RGL1: variants seen among roughly 807,000 people sequenced by gnomAD.
The protein encoded by RGL1 is ral guanine nucleotide dissociation stimulator like 1.
In RGL1, 24 loss-of-function variants were observed where a neutral mutation model predicts 95.2. The observed-to-expected ratio is 0.25, with a 90% CI of 0.18 to 0.35. The LOEUF is 0.35. Ranked by LOEUF, RGL1 falls within the 10% of genes least tolerant of loss-of-function variation. The probability of loss-of-function intolerance (pLI) is 1.00; values close to 1 mark genes in which losing one functional copy is unlikely to be tolerated. For missense variants in RGL1, 715 were observed against 936.3 expected (o/e 0.76, Z 3.08); for synonymous variants, 329 against 344.9 (o/e 0.95, Z 0.51).
chr1:183,679,647 G>T (rs538777114), intron 1 of RGL1, among the ~76,000 whole-genome samples: 1 of 152,078 alleles, frequency 6.6e-6, no homozygotes, highest in Non-Finnish European at 1.5e-5. Context: ...CCAAGTCTTT[G>T]CTATTGTGAA....
intron 1 of RGL1, among the ~76,000 whole-genome samples, chr1:183,741,920 G>A (rs1657333163): frequency 6.6e-6 from 1 of 152,154 alleles, no homozygotes; most frequent in South Asian, 2.1e-4. Flanking sequence ...GCCATTATCA[G>A]AATGCATTCT....
intron 1 of RGL1, among the ~76,000 whole-genome samples, chr1:183,656,019 A>G: frequency 6.6e-6 from 1 of 152,208 alleles, no homozygotes; most frequent in East Asian, 1.9e-4. Flanking sequence ...AGACCAAACC[A>G]AAATGGAGTC....
intron 1 of RGL1, among the ~76,000 whole-genome samples, chr1:183,735,707 C>A (rs573197369): frequency 6.6e-6 from 1 of 152,186 alleles, no homozygotes; most frequent in African/African-American, 2.4e-5. Flanking sequence ...AGTATTACTA[C>A]GAAATTATCT....
chr1:183,709,576 T>A (rs2102169502), intron 1 of RGL1: 1 of 166,946 alleles, frequency 6.0e-6, no homozygotes, highest in African/African-American at 2.4e-5. Flanking sequence ...TTCCTTTGCA[T>A]CCAGGGAAGC....
intron 2 of RGL1, among the ~76,000 whole-genome samples, chr1:183,752,419 G>A (rs567073694): frequency 7.2e-5 from 11 of 152,128 alleles, no homozygotes; most frequent in East Asian, 3.9e-4. Context: ...TACAGACGGG[G>A]TCTCACCATG....
chr1:183,824,625 G>C lies in RGL1; in HGVS notation c.138+18140G>C, dbSNP rs181673575. ...ACCTTAACAATTTTGACAAGGCTCA[G>C]TTCATTATACTATTCACTTTCATGT... On this transcript the variant is annotated intron_variant, in intron 2 of 17. Transcript: ENST00000360851. Among the ~76,000 whole-genome samples, 163 of 152,260 alleles carry C rather than the reference G, an allele frequency of 1.1e-3. 1 individual carries two copies. Among genetic ancestry groups the C allele is most frequent in the Middle Eastern group, 3.4e-3 (1 of 294 alleles).
At chr1:183,746,288 G>T (rs1288435389) in intron 2 of RGL1, among the ~76,000 whole-genome samples, 1 of 152,082 alleles carries the variant, frequency 6.6e-6, no homozygotes, top group South Asian at 2.1e-4. Context: ...TACTGCATAT[G>T]TGTATCCTCA....
intron 15 of RGL1, among the ~76,000 whole-genome samples, chr1:183,913,942 CT>C (rs1668811708): frequency 6.6e-6 from 1 of 152,190 alleles, no homozygotes; most frequent in South Asian, 2.1e-4. Context: ...TCGTGGACAC[CT>C]ACGGACTGGC....
chr1:183,648,776 C>A, intron 1 of RGL1: 4 of 1,588,104 alleles, frequency 2.5e-6, no homozygotes, highest in Non-Finnish European at 3.4e-6. Flanking sequence ...CATATATGGG[C>A]TCCATTGCTA....
At chr1:183,901,472 A>G (rs924207959) in intron 11 of RGL1, among the ~76,000 whole-genome samples, 1 of 152,054 alleles carries the variant, frequency 6.6e-6, no homozygotes, top group African/African-American at 2.4e-5. Context: ...TGCCCAGCCT[A>G]GGTGCCAGAG....
In RGL1 at chr1:183,725,647, CACCTT is replaced by C. The variant is rs1344679067; in HGVS notation, c.-32-16477_-32-16473del. On this transcript the variant is annotated intron_variant, in intron 1 of 18. Transcript: ENST00000304685. Reference sequence around the variant, plus strand: ...GGCATAACATTCCTAAATGTGTATTCACCTTATAACTAAACCTCAAAATTCATTAA... The same window carrying C: ...GGCATAACATTCCTAAATGTGTATTCATAACTAAACCTCAAAATTCATTAA... Among the ~76,000 whole-genome samples the C allele has an allele frequency of 2.0e-5, 3 of 152,220 alleles. No homozygotes were observed. The East Asian group carries it at 5.8e-4, about 29-fold the overall frequency.
intron 14 of RGL1, among the ~76,000 whole-genome samples, chr1:183,911,327 T>C (rs183448030): frequency 5.3e-5 from 8 of 152,342 alleles, no homozygotes; most frequent in Non-Finnish European, 7.3e-5. Context: ...AGTAGAAAGA[T>C]ATTTTTCTGG....
intron 1 of RGL1, among the ~76,000 whole-genome samples, chr1:183,686,593 G>T (rs1262433587): frequency 6.6e-6 from 1 of 152,148 alleles, no homozygotes; most frequent in Non-Finnish European, 1.5e-5. Flanking sequence ...AGCATGTTCA[G>T]ATATACATTA....
intron 4 of RGL1, among the ~76,000 whole-genome samples, chr1:183,875,743 G>T (rs61809231): frequency 0.081 from 12,303 of 151,872 alleles, 577 homozygotes; most frequent in Middle Eastern, 0.19. Context: ...GCCAGGCATG[G>T]TGGCACGTGC....
intron 1 of RGL1, among the ~76,000 whole-genome samples, chr1:183,655,192 T>G (rs190986701): frequency 1.8e-4 from 27 of 152,358 alleles, no homozygotes; most frequent in Admixed American, 6.5e-4. Flanking sequence ...ATCTAAATTT[T>G]TAAGAGACAT....
intron 2 of RGL1, among the ~76,000 whole-genome samples, chr1:183,821,211 A>T (rs747281561): frequency 6.6e-5 from 10 of 152,128 alleles, no homozygotes; most frequent in Non-Finnish European, 1.2e-4. Flanking sequence ...AAAAATTTTA[A>T]ATTGCCTATG....
At chr1:183,646,805 A>C (rs966429565) in intron 1 of RGL1, 1 of 152,222 alleles carries the variant, frequency 6.6e-6, no homozygotes, top group Non-Finnish European at 1.5e-5. Flanking sequence ...TCATTGGTGA[A>C]GTTATTGAGA....
At chr1:183,710,420 C>G (rs1655190232) in intron 1 of RGL1, among the ~76,000 whole-genome samples, 1 of 152,164 alleles carries the variant, frequency 6.6e-6, no homozygotes, top group Admixed American at 6.5e-5. Flanking sequence ...GGTTATCATA[C>G]TTGAACTCCT....
At chr1:183,849,482 A>AATTTTTTTTTTTTTTTTTTTT (rs150367802) in intron 3 of RGL1, among the ~76,000 whole-genome samples, 5 of 99,362 alleles carry the variant, frequency 5.0e-5, no homozygotes, top group Admixed American at 1.4e-4. Context: ...TCCAGTTTTT[A>AATTTTTTTTTTTTTTTTTTTT]GTTTTTTTTT....
Sources: gnomAD v4.1 joint callset for allele counts (sites outside exome capture counted in the v4.1 genomes callset) on GRCh38, gnomAD v4.1.1 for gene constraint, MANE v1.5 for transcripts, NCBI Gene and HGNC (gene_info 2026-07-23, HGNC 2026-07-21) for gene names.